KIFC3: variants seen among roughly 807,000 people sequenced by gnomAD.
The protein encoded by KIFC3 is kinesin-like protein KIFC3.
A neutral mutation model predicts 101.8 loss-of-function variants in KIFC3; 60 were observed. The ratio of observed to expected loss-of-function variants is 0.59; its 90% confidence interval spans 0.48 to 0.73. The LOEUF is 0.73. Among genes scored for constraint, KIFC3 ranks in the 30% least tolerant of loss-of-function variants. The probability of loss-of-function intolerance (pLI) is 0.00; values close to 1 mark genes in which losing one functional copy is unlikely to be tolerated. For missense variants in KIFC3, 966 were observed against 1,137.1 expected (o/e 0.85, Z 2.16); for synonymous variants, 476 against 482.7 (o/e 0.99, Z 0.18).
Position 57,823,189 on chromosome 16 carries a change from A to T in KIFC3, c.109-24907T>A, listed in dbSNP as rs553218548. ...GCATGATAAAACCATGGTCTCTACA[A>T]CCCCTTATCATAACTCAGACATTTC... On this transcript the variant is annotated intron_variant, in intron 1 of 2. Coordinates refer to the KIFC3 transcript ENST00000563028. Among the ~76,000 whole-genome samples, 286 of 152,256 alleles carry T rather than the reference A, an allele frequency of 1.9e-3. 2 individuals are homozygous for T. Among genetic ancestry groups the T allele is most frequent in the African/African-American group, 6.5e-3 (269 of 41,552 alleles).
chr16:57,788,549 C>T, intron 3 of KIFC3: 11 of 1,278,382 alleles, frequency 8.6e-6, no homozygotes, highest in African/African-American at 3.1e-5. Flanking sequence ...TGGGGAGTGC[C>T]GGTTTGGCGG....
chr16:57,824,419 A>G (rs2055417571), intron 1 of KIFC3, among the ~76,000 whole-genome samples: 1 of 152,236 alleles, frequency 6.6e-6, no homozygotes, highest in Non-Finnish European at 1.5e-5. Flanking sequence ...GCAGTGGCTC[A>G]CACCTGTAAT....
chr16:57,834,874 C>G (rs1387522161), intron 1 of KIFC3, among the ~76,000 whole-genome samples: 1 of 152,216 alleles, frequency 6.6e-6, no homozygotes, highest in Non-Finnish European at 1.5e-5. Flanking sequence ...CTACTGCATG[C>G]AACTCTGCAG....
chr16:57,849,755 T>C (rs2056009173), intron 1 of KIFC3, among the ~76,000 whole-genome samples: 1 of 151,836 alleles, frequency 6.6e-6, no homozygotes, highest in African/African-American at 2.4e-5. Context: ...ATACAAAAAT[T>C]AGCCGGGTGT....
Position 57,760,781 on chromosome 16 carries a change from G to A in KIFC3, c.2177C>T (p.Thr726Ile). Residue 726 changes from threonine to isoleucine, a missense_variant, in exon 16 of 20, where the codon ACC (threonine) becomes ATC (isoleucine). Physicochemically the swap from Thr to Ile is moderately conservative, Grantham distance 89. This residue lies in a region of KIFC3 where 689 missense variants were observed against 884.6 expected (regional missense o/e 0.78). Coordinates refer to ENST00000445690, the MANE Select transcript of KIFC3 (RefSeq NM_001130100.2). ...GHVPFRNSKL[T>I]YLLQDSLSGD... ...ACTAAGCGAATCCTGCAGCAGGTAG[G>A]TGAGCTTGGAGTTGCGGAAGGGCAC... The A allele has an allele frequency of 6.2e-7, 1 of 1,613,902 alleles. No homozygotes were observed. The highest frequency in any genetic ancestry group is 1.1e-5 in the South Asian group (1 of 91,084).
intron 1 of KIFC3, among the ~76,000 whole-genome samples, chr16:57,853,551 A>T (rs1330908820): frequency 1.3e-5 from 2 of 152,240 alleles, no homozygotes; most frequent in Non-Finnish European, 2.9e-5. Flanking sequence ...ATTCGAGCAT[A>T]TTAATAATCA....
intron 1 of KIFC3, among the ~76,000 whole-genome samples, chr16:57,799,718 T>C (rs2054596614): frequency 6.6e-6 from 1 of 152,184 alleles, no homozygotes; most frequent in African/African-American, 2.4e-5. Context: ...GAGACAGCCA[T>C]GTGATAACAG....
At chr16:57,848,403 G>A (rs1402148245) in intron 1 of KIFC3, among the ~76,000 whole-genome samples, 20 of 152,170 alleles carry the variant, frequency 1.3e-4, no homozygotes, top group African/African-American at 4.3e-4. Context: ...GAGGCAGGAG[G>A]ATTGCTTGAG....
In KIFC3 at chr16:57,785,008, C is replaced by T. The variant is rs149922826; in HGVS notation, c.315+9991G>A. Among the ~76,000 whole-genome samples, 20 of 152,304 alleles carry T rather than the reference C, an allele frequency of 1.3e-4. No individual in the cohort carries two copies. In the East Asian group the frequency reaches 3.7e-3, roughly 28 times the overall value. ...CACTCAAACTAGCATCCACCTTTAA[C>T]GAGAAATCAAAAGAACAAGAAACGT... On this transcript the variant is annotated intron_variant, in intron 3 of 19. Coordinates refer to ENST00000445690, the MANE Select transcript of KIFC3 (RefSeq NM_001130100.2).
At chr16:57,844,554 G>T (rs1172476556) in intron 1 of KIFC3, among the ~76,000 whole-genome samples, 1 of 152,128 alleles carries the variant, frequency 6.6e-6, no homozygotes, top group Non-Finnish European at 1.5e-5. Flanking sequence ...AGGGGGATTG[G>T]AGTTCAGCAA....
At chr16:57,795,877 C>CTTTTTTTTTTTTTTTTTTT (rs1568047538) in intron 2 of KIFC3, among the ~76,000 whole-genome samples, 1 of 81,098 alleles carries the variant, frequency 1.2e-5, no homozygotes, top group African/African-American at 3.6e-5. Flanking sequence ...TTTTTTTGGG[C>CTTTTTTTTTTTTTTTTTTT]TTTTTTGTTT....
At chr16:57,828,547 G>A (rs782489409) in intron 1 of KIFC3, among the ~76,000 whole-genome samples, 1 of 152,226 alleles carries the variant, frequency 6.6e-6, no homozygotes, top group Non-Finnish European at 1.5e-5. Context: ...CAGCCTGGGT[G>A]GGGCCCCGCG....
rs549828491 is a variant in KIFC3 at position 57,759,575 on chromosome 16, G to C, written c.2476+153C>G. ...CACAGCACTGTCTGCCCTGACTACT[G>C]CCTGGGGGCAGGGGAGGTTGTAAAA... On this transcript the variant is annotated intron_variant, in intron 18 of 19. Transcript: ENST00000445690. 53 of 617,360 alleles carry C rather than the reference G, an allele frequency of 8.6e-5. No homozygotes were observed. In the South Asian group the frequency reaches 1.1e-3, roughly 13 times the overall value. 38.2% of individuals were successfully genotyped at this position (617,360 alleles called of 1,614,324 possible). A position where few individuals can be genotyped will look rare whatever the true frequency, so the allele number is the denominator to read the frequency against.
At chr16:57,850,465 GTTTTTTTTT>G (rs373157438) in intron 1 of KIFC3, among the ~76,000 whole-genome samples, 1 of 84,080 alleles carries the variant, frequency 1.2e-5, no homozygotes, top group Non-Finnish European at 2.1e-5. Flanking sequence ...TTTAAAAAGG[GTTTTTTTTT>G]TTTTTTTTTT....
Position 57,798,286 on chromosome 16 carries a change from C to T in KIFC3, c.-39-4G>A. ...CCTCCTCGGGGCACCAGGCAGCCTG[C>T]GGAGAGAACAAGGGGAGATAAGCTT... On this transcript the variant is annotated splice_region_variant and splice_polypyrimidine_tract_variant and intron_variant, in intron 1 of 19. Transcript: ENST00000445690. The T allele has an allele frequency of 6.5e-7, 1 of 1,546,920 alleles. No individual in the cohort carries two copies.
At chr16:57,858,157 GT>G (rs2056219516) in intron 1 of KIFC3, among the ~76,000 whole-genome samples, 1 of 152,022 alleles carries the variant, frequency 6.6e-6, no homozygotes, top group Non-Finnish European at 1.5e-5. Flanking sequence ...GGGCATTTGG[GT>G]TGTTTCCAAG....
chr16:57,763,033 T>C (rs2050048067), intron 12 of KIFC3, among the ~76,000 whole-genome samples: 1 of 151,606 alleles, frequency 6.6e-6, no homozygotes, highest in South Asian at 2.1e-4. Context: ...CCAAATGCCC[T>C]GTCCCTCCCC....
In KIFC3 at chr16:57,781,339, G is replaced by A. The variant is rs367590269; in HGVS notation, c.316-9051C>T. Among the ~76,000 whole-genome samples the A allele has an allele frequency of 1.8e-4, 27 of 152,320 alleles. No homozygotes were observed. The East Asian group carries it at 5.0e-3, about 28-fold the overall frequency. Reference sequence around the variant, plus strand: ...CAAAATAAAAAAGGAGTGTAGTGAGGTCTGGGCAGCATGTCACATTATTGG... The same window carrying A: ...CAAAATAAAAAAGGAGTGTAGTGAGATCTGGGCAGCATGTCACATTATTGG... On this transcript the variant is annotated intron_variant, in intron 3 of 19. Transcript: ENST00000445690.
At chr16:57,834,188 A>G (rs888107378) in intron 1 of KIFC3, among the ~76,000 whole-genome samples, 3 of 152,142 alleles carry the variant, frequency 2.0e-5, no homozygotes, top group Non-Finnish European at 4.4e-5. Flanking sequence ...AGTAATATAC[A>G]TACTATAGCT....
Sources: allele counts gnomAD v4.1 joint callset (sites outside exome capture counted in the v4.1 genomes callset), GRCh38; gene constraint gnomAD v4.1.1; regional missense constraint gnomAD v4.1.1; transcripts MANE v1.5; gene names NCBI Gene and HGNC (gene_info 2026-07-23, HGNC 2026-07-21).